Variants in CLSTN3 observed in about 807,000 individuals in gnomAD.
CLSTN3 encodes calsyntenin-3.
CLSTN3 carries 36 observed loss-of-function variants against 95.9 expected under a neutral mutation model. The observed-to-expected ratio is 0.38, with a 90% CI of 0.29 to 0.50. The LOEUF (loss-of-function observed/expected upper bound fraction) is 0.50. CLSTN3 is among the 20% of genes least tolerant of loss of function. The pLI is 0.95. For synonymous variants in CLSTN3, 481 were observed against 504.0 expected (o/e 0.95, Z 0.61); for missense variants, 1,084 against 1,268.8 (o/e 0.85, Z 2.21).
chr12:7,154,058 T>C (rs1413381739), intron 16 of CLSTN3, among the ~76,000 whole-genome samples: 1 of 152,196 alleles, frequency 6.6e-6, no homozygotes, highest in Non-Finnish European at 1.5e-5. Context: ...CCTTTGCTTC[T>C]TCTCTTATTT....
Position 7,133,893 on chromosome 12 carries a change from AG to A in CLSTN3, c.383+128del, listed in dbSNP as rs1939355640. The A allele has an allele frequency of 1.3e-6, 1 of 758,720 alleles. No homozygotes were observed. The highest frequency in any genetic ancestry group is 3.2e-5 in the Admixed American group (1 of 31,264). 47.0% of individuals were successfully genotyped at this position (758,720 alleles called of 1,614,324 possible). On this transcript the variant is annotated intron_variant, in intron 3 of 17. Transcript: ENST00000266546. This position sits in a 1 kb window ranked among gnomAD's most constrained non-coding sequence, Gnocchi z 4.7. Reference sequence around the variant, plus strand: ...CCACCCGCTGCTGTTCCTAGGACTTAGGGAGCCCCATCCCCTGCTGTTCCTA... The same window carrying A: ...CCACCCGCTGCTGTTCCTAGGACTTAGGAGCCCCATCCCCTGCTGTTCCTA...
chr12:7,142,736 G>GT, intron 10 of CLSTN3, 133 bp from the exon 11 acceptor site: 5 of 109,736 alleles, frequency 4.6e-5, no homozygotes, highest in Non-Finnish European at 6.3e-5. Context: ...TTTTTTTTTT[G>GT]GTTTCCACAT....
chr12:7,154,916 G>A (rs1471351033), intron 16 of CLSTN3, among the ~76,000 whole-genome samples: 1 of 152,170 alleles, frequency 6.6e-6, no homozygotes, highest in African/African-American at 2.4e-5. Flanking sequence ...TTGCTACCAC[G>A]GGCCAGAATT....
intron 16 of CLSTN3, among the ~76,000 whole-genome samples, chr12:7,154,804 G>T (rs1485675844): frequency 6.6e-6 from 1 of 152,170 alleles, no homozygotes; most frequent in East Asian, 1.9e-4. Flanking sequence ...AAAAGAAAAT[G>T]AATGAGGAAG....
rs117329346 is a variant in CLSTN3 at position 7,133,995 on chromosome 12, C to T, written c.383+227C>T. The stretch of plus-strand genomic sequence containing the variant: ...TGGATCTAATCTTGGCTTTGCCTCT[C>T]ATGACCTTGGGCAGCCTAGCCTTTC... On this transcript the variant is annotated intron_variant, in intron 3 of 17. Coordinates refer to ENST00000266546, the MANE Select transcript of CLSTN3 (RefSeq NM_014718.4). The surrounding 1 kb of genome is among the most constrained non-coding windows in gnomAD (Gnocchi z 4.7). 0.033 allele frequency: 14,794 copies of T among 446,760 alleles called. 349 individuals carry two copies. The highest frequency in any genetic ancestry group is 0.043 in the Non-Finnish European group (11,048 of 254,578). The allele number at this position is 446,760 out of a possible 1,614,324, so 27.7% of individuals were successfully genotyped here.
intron 8 of CLSTN3, among the ~76,000 whole-genome samples, chr12:7,139,108 T>C (rs1939482885): frequency 6.6e-6 from 1 of 152,248 alleles, no homozygotes. Flanking sequence ...GTTCTGGGAA[T>C]ACAATGAATG....
chr12:7,130,742 A>C, intron 1 of CLSTN3, 30 bp downstream of exon 1: 4 of 1,351,400 alleles, frequency 3.0e-6, no homozygotes, highest in Non-Finnish European at 4.1e-6. Context: ...GGGTACCGAA[A>C]GAGGGGCGTC....
intron 1 of CLSTN3, chr12:7,132,584 C>A: frequency 2.9e-6 from 1 of 339,276 alleles, no homozygotes; most frequent in South Asian, 4.9e-5. Context: ...TCTCAGGAAA[C>A]TTCTAGATCT....
chr12:7,133,606 G>T lies in CLSTN3; in HGVS notation c.221G>T (p.Gly74Val). The T allele has an allele frequency of 1.2e-6, 2 of 1,614,120 alleles. No individual in the cohort carries two copies. The highest frequency in any genetic ancestry group is 4.5e-5 in the East Asian group (2 of 44,876). The change falls in exon 3 of 18, where the codon GGG becomes GTG. Residue 74 changes from glycine to valine, a missense_variant. Coordinates refer to ENST00000266546, the MANE Select transcript of CLSTN3 (RefSeq NM_014718.4). The surrounding 1 kb of genome is among the most constrained non-coding windows in gnomAD (Gnocchi z 4.7). ...TGCGGCTTCCGGCTCCATGGGTCTG[G>T]GGTGCCCTTTGAGGCTGTGATCCTT... is the stretch of plus-strand genomic sequence containing the variant. ...EICGFRLHGS[G>V]VPFEAVILDK...
chr12:7,146,011 A>C (rs1939616904), intron 12 of CLSTN3, among the ~76,000 whole-genome samples: 1 of 152,044 alleles, frequency 6.6e-6, no homozygotes, highest in African/African-American at 2.4e-5. Context: ...TTGCCTCCTA[A>C]CTAGCTGACC....
intron 8 of CLSTN3, among the ~76,000 whole-genome samples, chr12:7,140,694 AGG>A (rs1418803137): frequency 1.3e-5 from 2 of 152,206 alleles, no homozygotes; most frequent in African/African-American, 4.8e-5. Flanking sequence ...GGATCACTGG[AGG>A]CCAGGAGTTG....
chr12:7,129,655 G>T (rs1020230909), upstream of CLSTN3: 4 of 985,380 alleles, frequency 4.1e-6, no homozygotes, highest in Non-Finnish European at 4.8e-6. The surrounding 1 kb of genome is among the most constrained non-coding windows in gnomAD (Gnocchi z 5.5). Flanking sequence ...TGAAGGTGGG[G>T]TGGAGGCGCC....
rs780153894 is a variant in CLSTN3 at position 7,142,104 on chromosome 12, A to C, written c.1505A>C (p.Lys502Thr). The change falls in exon 10 of 18, where the codon AAG becomes ACG. Residue 502 changes from lysine to threonine, a missense_variant. Transcript: ENST00000266546. The part of the protein sequence containing the change: ...ACWTEEKNKE[K>T]EKGDNSTDTT... ...TCCCCAGAGGAGAAGAACAAAGAGA[A>C]GGAAAAGGGAGACAACAGTACAGAC... 6.2e-7 allele frequency: 1 copy of C among 1,605,662 alleles called. No individual in the cohort carries two copies. Among genetic ancestry groups the C allele is most frequent in the East Asian group, 2.2e-5 (1 of 44,678 alleles).
chr12:7,137,236 A>G lies in CLSTN3; in HGVS notation c.1210+126A>G. The G allele has an allele frequency of 1.1e-6, 1 of 918,878 alleles. No individual in the cohort carries two copies. Among genetic ancestry groups the G allele is most frequent in the South Asian group, 1.7e-5 (1 of 60,286 alleles). The allele number at this position is 918,878 out of a possible 1,614,324, so 56.9% of individuals were successfully genotyped here. ...TCTTCATTTGTGAGGTGCAAGTGCCAGGTGTGATATGCCTTGATTCTGTGC... is the reference window on the plus strand; with the variant it reads ...TCTTCATTTGTGAGGTGCAAGTGCCGGGTGTGATATGCCTTGATTCTGTGC... On this transcript the variant is annotated intron_variant, in intron 7 of 17. Coordinates refer to ENST00000266546, the MANE Select transcript of CLSTN3 (RefSeq NM_014718.4). This position sits in a 1 kb window ranked among gnomAD's most constrained non-coding sequence, Gnocchi z 4.4.
chr12:7,129,820 C>A (rs939145781), upstream of CLSTN3: 2 of 985,648 alleles, frequency 2.0e-6, no homozygotes, highest in Non-Finnish European at 2.4e-6. This position sits in a 1 kb window ranked among gnomAD's most constrained non-coding sequence, Gnocchi z 5.5. Flanking sequence ...GGCGGCCGGT[C>A]CCGACAGGTG....
At chr12:7,136,460 G>T in intron 6 of CLSTN3, 69 bp downstream of exon 6, 2 of 1,416,508 alleles carry the variant, frequency 1.4e-6, no homozygotes, top group South Asian at 2.8e-5. Flanking sequence ...ACTTTTCCAA[G>T]ACTCTGCTTT....
At chr12:7,156,326 C>T (rs1415799142) in intron 16 of CLSTN3, 1 of 457,000 alleles carries the variant, frequency 2.2e-6, no homozygotes, top group Non-Finnish European at 4.4e-6. Flanking sequence ...CTTCCTTGTG[C>T]TTCTTCGAGA....
At chr12:7,138,149 C>A in intron 8 of CLSTN3, 82 bp downstream of exon 8, 1 of 1,044,510 alleles carries the variant, frequency 9.6e-7, no homozygotes, top group Non-Finnish European at 1.4e-6. Context: ...GCAGGGTCAG[C>A]ATTTTCTGGG....
At chr12:7,145,477 A>G (rs1034115222) in intron 12 of CLSTN3, among the ~76,000 whole-genome samples, 2 of 151,534 alleles carry the variant, frequency 1.3e-5, no homozygotes, top group Admixed American at 1.3e-4. Context: ...CATAGCTTCC[A>G]GTTTTCAGTT....
Sources: allele counts gnomAD v4.1 joint callset (sites outside exome capture counted in the v4.1 genomes callset), GRCh38; gene constraint gnomAD v4.1.1; non-coding constraint Gnocchi (gnomAD v3.1); transcripts MANE v1.5; gene names NCBI Gene and HGNC (gene_info 2026-07-23, HGNC 2026-07-21).